Variants in SPOCK3 observed in about 807,000 individuals in gnomAD.
The protein encoded by SPOCK3 is SPARC (osteonectin), cwcv and kazal like domains proteoglycan 3.
Under a neutral mutation model 56.6 loss-of-function variants are expected in SPOCK3, and 30 were observed. The observed-to-expected ratio is 0.53, with a 90% CI of 0.40 to 0.72. SPOCK3 has a LOEUF of 0.72. SPOCK3 is among the 30% of genes least tolerant of loss of function. The pLI is 0.00. For missense variants in SPOCK3, 527 were observed against 530.0 expected, an observed-to-expected ratio of 0.99 and a Z score of 0.06; for synonymous variants, 196 against 183.3, an observed-to-expected ratio of 1.07 and a Z score of -0.56.
In SPOCK3 at chr4:166,872,731, G is replaced by A. The variant is rs566310093; in HGVS notation, c.589+16399C>T. Among the ~76,000 whole-genome samples the A allele has an allele frequency of 2.5e-3, 384 of 152,280 alleles. 3 individuals are homozygous for A. Among genetic ancestry groups the A allele is most frequent in the African/African-American group, 8.9e-3 (368 of 41,550 alleles). ...AGTGTATGATTCTAACTATATGAAT[G>A]TCTTAGTTATTTTTTTGTTGCTGTA... On this transcript the variant is annotated intron_variant, in intron 6 of 10. Coordinates refer to ENST00000357545, the MANE Select transcript of SPOCK3 (RefSeq NM_001040159.2).
intron 2 of SPOCK3, among the ~76,000 whole-genome samples, chr4:167,080,070 T>C (rs560159657): frequency 3.9e-5 from 6 of 152,022 alleles, no homozygotes; most frequent in East Asian, 1.9e-4. Flanking sequence ...GCAAAATGCA[T>C]AGATGGCAAA....
At chr4:167,168,476 G>A (rs1280185684) in intron 2 of SPOCK3, among the ~76,000 whole-genome samples, 6 of 152,158 alleles carry the variant, frequency 3.9e-5, no homozygotes, top group African/African-American at 9.7e-5. Context: ...GGTGGTCTCA[G>A]ATGGAGACGA....
intron 3 of SPOCK3, among the ~76,000 whole-genome samples, chr4:167,055,153 C>G (rs1754658931): frequency 6.6e-6 from 1 of 151,344 alleles, no homozygotes; most frequent in South Asian, 2.1e-4. Flanking sequence ...ATGCAAACCT[C>G]TTATAAATGA....
At chr4:166,742,914 A>T (rs1160721497) in intron 8 of SPOCK3, among the ~76,000 whole-genome samples, 1 of 152,040 alleles carries the variant, frequency 6.6e-6, no homozygotes, top group African/African-American at 2.4e-5. Flanking sequence ...GATTCAACCA[A>T]CCGCTAATTG....
intron 3 of SPOCK3, among the ~76,000 whole-genome samples, chr4:167,033,505 C>T (rs571051116): frequency 1.3e-4 from 20 of 151,400 alleles, no homozygotes; most frequent in Non-Finnish European, 1.9e-4. Flanking sequence ...AAGAATTTTT[C>T]CTTATCTGAA....
chr4:166,892,618 A>G (rs1209218998), intron 5 of SPOCK3, among the ~76,000 whole-genome samples: 2 of 152,112 alleles, frequency 1.3e-5, no homozygotes, highest in South Asian at 4.1e-4. Flanking sequence ...ATAAAGGTAT[A>G]TGTGAACTAA....
At chr4:166,917,600 T>C (rs1283336392) in intron 4 of SPOCK3, among the ~76,000 whole-genome samples, 1 of 152,208 alleles carries the variant, frequency 6.6e-6, no homozygotes, top group Non-Finnish European at 1.5e-5. Context: ...AGTTTATAAC[T>C]GCATCCTATA....
At chr4:166,791,416 G>A (rs957339281) in intron 7 of SPOCK3, among the ~76,000 whole-genome samples, 1 of 152,100 alleles carries the variant, frequency 6.6e-6, no homozygotes, top group Non-Finnish European at 1.5e-5. Context: ...CAAGAGATGT[G>A]GCTTGTAATT....
At chr4:167,084,197 T>C (rs948167665) in intron 2 of SPOCK3, among the ~76,000 whole-genome samples, 2 of 152,082 alleles carry the variant, frequency 1.3e-5, no homozygotes, top group African/African-American at 4.8e-5. Flanking sequence ...ATATAGGCCA[T>C]ATCATGAGAA....
At chr4:167,145,368 A>G (rs952318596) in intron 2 of SPOCK3, among the ~76,000 whole-genome samples, 1 of 152,114 alleles carries the variant, frequency 6.6e-6, no homozygotes, top group Non-Finnish European at 1.5e-5. Flanking sequence ...ATATATTAGT[A>G]GTGATATCTG....
rs148723859 is a variant in SPOCK3, at chr4:166,994,756, T to C, written c.350+5593A>G. Among the ~76,000 whole-genome samples the C allele has an allele frequency of 3.8e-3, 586 of 152,272 alleles. 1 individual carries two copies. Among genetic ancestry groups the C allele is most frequent in the Admixed American group, 9.5e-3 (145 of 15,266 alleles). The stretch of plus-strand genomic sequence containing the variant: ...TAATATAAACCCTGACCAAATCACA[T>C]TGACTGACTAAGATGTACAATCTAA... On this transcript the variant is annotated intron_variant, in intron 4 of 10. Transcript: ENST00000357545.
At chr4:166,977,862 C>T (rs1254043467) in intron 4 of SPOCK3, among the ~76,000 whole-genome samples, 1 of 152,250 alleles carries the variant, frequency 6.6e-6, no homozygotes, top group East Asian at 1.9e-4. Context: ...ATCAGTATAG[C>T]ATTAGATCAA....
At chr4:166,854,413 T>C (rs975844436) in intron 6 of SPOCK3, among the ~76,000 whole-genome samples, 2 of 152,204 alleles carry the variant, frequency 1.3e-5, no homozygotes, top group South Asian at 2.1e-4. Context: ...TTGGTACTGT[T>C]TGTTCAGCTT....
At chr4:166,740,200 A>G (rs2126381261) in intron 9 of SPOCK3, among the ~76,000 whole-genome samples, 1 of 152,248 alleles carries the variant, frequency 6.6e-6, no homozygotes, top group East Asian at 1.9e-4. Flanking sequence ...CTATATAACA[A>G]GTGATCAATT....
At chr4:167,058,845 C>T (rs893437538) in intron 3 of SPOCK3, among the ~76,000 whole-genome samples, 2 of 152,126 alleles carry the variant, frequency 1.3e-5, no homozygotes, top group African/African-American at 4.8e-5. Flanking sequence ...GAAATAACGC[C>T]ATGTATCTAC....
At chr4:166,769,133 C>A (rs1738560687) in intron 7 of SPOCK3, among the ~76,000 whole-genome samples, 1 of 151,676 alleles carries the variant, frequency 6.6e-6, no homozygotes, top group South Asian at 2.1e-4. Flanking sequence ...TGGGTTCAAA[C>A]TTCCTCCTTT....
chr4:167,059,296 A>G (rs1279076187), intron 3 of SPOCK3, among the ~76,000 whole-genome samples: 1 of 152,214 alleles, frequency 6.6e-6, no homozygotes, highest in Non-Finnish European at 1.5e-5. Context: ...ACCTCAAACA[A>G]ATTTACAAGA....
At chr4:166,792,409 C>G in intron 6 of SPOCK3, 120 bp from the exon 7 acceptor site, 1 of 1,028,342 alleles carries the variant, frequency 9.7e-7, no homozygotes, top group Non-Finnish European at 1.4e-6. Context: ...GGTGTGACTG[C>G]ATTTCAGCTT....
intron 7 of SPOCK3, among the ~76,000 whole-genome samples, chr4:166,774,319 C>A (rs777923936): frequency 6.6e-6 from 1 of 152,164 alleles, no homozygotes; most frequent in Non-Finnish European, 1.5e-5. Context: ...AGACTTTGTG[C>A]TGTATGGGCC....
Sources: allele counts gnomAD v4.1 joint callset (sites outside exome capture counted in the v4.1 genomes callset), GRCh38; gene constraint gnomAD v4.1.1; transcripts MANE v1.5; gene names NCBI Gene and HGNC (gene_info 2026-07-23, HGNC 2026-07-21).